The following UBA2 variants were observed in gnomAD, a reference collection of about 807,000 sequenced individuals.
The protein encoded by UBA2 is ubiquitin like modifier activating enzyme 2, also known as SUMO-activating enzyme subunit 2.
UBA2 carries 11 observed loss-of-function variants against 77.2 expected under a neutral mutation model. That is an observed-to-expected ratio of 0.14 (90% confidence interval 0.09 to 0.24). UBA2 has a LOEUF of 0.24. UBA2 is among the 10% of genes least tolerant of loss of function. UBA2 has a pLI of 1.00. For missense variants in UBA2, 487 were observed against 781.7 expected, an observed-to-expected ratio of 0.62 and a Z score of 4.50; for synonymous variants, 278 against 276.7, an observed-to-expected ratio of 1.00 and a Z score of -0.05.
chr19:34,435,153 T>C (rs1254875751), intron 5 of UBA2, among the ~76,000 whole-genome samples, 185 bp downstream of exon 5: 1 of 152,212 alleles, frequency 6.6e-6, no homozygotes, highest in Non-Finnish European at 1.5e-5. Flanking sequence ...ATCCCAGCAC[T>C]TCGGGAGGCC....
intron 14 of UBA2, among the ~76,000 whole-genome samples, chr19:34,463,810 AC>A (rs1433350161): frequency 6.7e-6 from 1 of 148,874 alleles, no homozygotes; most frequent in Non-Finnish European, 1.5e-5. Context: ...ATTAGAGCCC[AC>A]CCTACTTGCC....
At chr19:34,454,024 G>A (rs2075531426) in intron 10 of UBA2, among the ~76,000 whole-genome samples, 1 of 152,022 alleles carries the variant, frequency 6.6e-6, no homozygotes, top group Non-Finnish European at 1.5e-5. Context: ...GTGATTCTTG[G>A]TGTTCTTGTC....
chr19:34,447,162 A>G (rs1188365352), intron 8 of UBA2, among the ~76,000 whole-genome samples: 1 of 152,162 alleles, frequency 6.6e-6, no homozygotes, highest in Non-Finnish European at 1.5e-5. Context: ...GGAAGCATCC[A>G]ACATGGGAGA....
intron 14 of UBA2, among the ~76,000 whole-genome samples, chr19:34,463,096 CAAA>C (rs1029404956): frequency 2.5e-5 from 3 of 120,844 alleles, no homozygotes. Context: ...GACTCTGTCT[CAAA>C]AAAAAAAAAA....
At chr19:34,466,329 C>A (rs2075687521) in intron 15 of UBA2, among the ~76,000 whole-genome samples, 1 of 151,968 alleles carries the variant, frequency 6.6e-6, no homozygotes. Flanking sequence ...GAGTGAGACT[C>A]CGTCTCGAAA....
At chr19:34,434,437 A>G (rs1375873677) in intron 4 of UBA2, among the ~76,000 whole-genome samples, 1 of 152,024 alleles carries the variant, frequency 6.6e-6, no homozygotes, top group African/African-American at 2.4e-5. Context: ...TCTTAACCTG[A>G]CTCATCTTTT....
At chr19:34,466,778 G>T in intron 15 of UBA2, 100 bp from the exon 16 acceptor site, 5 of 883,520 alleles carry the variant, frequency 5.7e-6, no homozygotes, top group South Asian at 2.1e-5. Context: ...CCACATATTT[G>T]GTGTATACAT....
At chr19:34,431,740 T>A in intron 2 of UBA2, 121 bp from the exon 3 acceptor site, 1 of 802,914 alleles carries the variant, frequency 1.2e-6, no homozygotes, top group East Asian at 2.5e-5. Context: ...TTTTTGGACT[T>A]CTTTGGTGTT....
At chr19:34,439,983 T>C (rs1259100449) in intron 6 of UBA2, among the ~76,000 whole-genome samples, 3 of 152,106 alleles carry the variant, frequency 2.0e-5, no homozygotes, top group Non-Finnish European at 4.4e-5. Flanking sequence ...AATAAGACCA[T>C]GGTAGTACAT....
rs1339892874 is a variant in UBA2, at chr19:34,469,855, C to G, written c.*634C>G. 6.6e-6 allele frequency: 1 copy of G among 152,530 alleles called. No individual in the cohort carries two copies. 9.4% of individuals were successfully genotyped at this position (152,530 alleles called of 1,614,324 possible). ...TTGTAAAACTCAAATAACGACTATA[C>G]TTATGGACCAAATAAATGGCATCTG... On this transcript the variant is annotated 3_prime_UTR_variant, in exon 17 of 17. Coordinates refer to ENST00000246548, the MANE Select transcript of UBA2 (RefSeq NM_005499.3).
intron 8 of UBA2, among the ~76,000 whole-genome samples, chr19:34,445,941 AC>A (rs1173615885): frequency 7.9e-5 from 12 of 152,042 alleles, no homozygotes; most frequent in African/African-American, 2.9e-4. Flanking sequence ...GTTCATCTAG[AC>A]CCGTAGGTCC....
Position 34,428,472 on chromosome 19 carries a change from G to A in UBA2, c.40G>A (p.Ala14Thr), listed in dbSNP as rs765510684. 2.9e-5 allele frequency: 37 copies of A among 1,291,184 alleles called. No individual in the cohort carries two copies. Among genetic ancestry groups the A allele is most frequent in the Non-Finnish European group, 3.6e-5 (36 of 1,014,080 alleles). 80.0% of individuals were successfully genotyped at this position (1,291,184 alleles called of 1,614,324 possible). A position where few individuals can be genotyped will look rare whatever the true frequency, so the allele number is the denominator to read the frequency against. Residue 14 changes from alanine to threonine, a missense_variant, in exon 1 of 17, where the codon GCG becomes ACG. This residue lies in a region of UBA2 where 30 missense variants were observed against 27.4 expected (regional missense o/e 1.09). Transcript: ENST00000246548. The part of the protein sequence containing the change: ...SRGLPRELAE[A>T]VAGGRVLVVG... Reference sequence around the variant, plus strand: ...GGGGCTGCCCCGGGAGCTGGCTGAGGCGGTGGCCGGGGGCCGGGTGCTGGT... The same window carrying A: ...GGGGCTGCCCCGGGAGCTGGCTGAGACGGTGGCCGGGGGCCGGGTGCTGGT...
intron 10 of UBA2, among the ~76,000 whole-genome samples, chr19:34,453,683 T>C (rs986371817): frequency 2.3e-4 from 35 of 151,986 alleles, no homozygotes; most frequent in African/African-American, 8.5e-4. Flanking sequence ...TGCGCCACCA[T>C]GCCTGGCTAA....
chr19:34,457,193 T>A (rs1294410722), intron 12 of UBA2, among the ~76,000 whole-genome samples: 6 of 126,236 alleles, frequency 4.8e-5, no homozygotes, highest in South Asian at 5.5e-4. Flanking sequence ...TATATATATA[T>A]ATATATATAT....
chr19:34,464,468 G>T (rs1205973234), intron 15 of UBA2, among the ~76,000 whole-genome samples: 2 of 151,694 alleles, frequency 1.3e-5, no homozygotes, highest in Admixed American at 1.3e-4. Flanking sequence ...TAAGGTAGGA[G>T]AATCCCTTGA....
At chr19:34,444,666 G>T (rs1332140993) in intron 7 of UBA2, among the ~76,000 whole-genome samples, 2 of 152,172 alleles carry the variant, frequency 1.3e-5, no homozygotes, top group African/African-American at 2.4e-5. Flanking sequence ...AATTAGCCAG[G>T]CATGGTGGTG....
intron 15 of UBA2, among the ~76,000 whole-genome samples, chr19:34,465,080 C>T (rs1458676549): frequency 1.3e-5 from 2 of 152,124 alleles, no homozygotes; most frequent in Non-Finnish European, 1.5e-5. Flanking sequence ...GAGTCTATAG[C>T]ACAGTTAAGA....
chr19:34,469,319 A>G lies in UBA2; in HGVS notation c.*98A>G, dbSNP rs1483615617. The G allele has an allele frequency of 4.0e-5, 47 of 1,178,688 alleles. No individual in the cohort carries two copies. The highest frequency in any genetic ancestry group is 2.0e-4 in the Middle Eastern group (1 of 4,988). The allele number at this position is 1,178,688 out of a possible 1,614,324, so 73.0% of individuals were successfully genotyped here. ...GTTCCAAAGGGAAAAAATTGACAGC[A>G]GTGACTTGAAAATGATTCTGCTCCC... is the stretch of plus-strand genomic sequence containing the variant. On this transcript the variant is annotated 3_prime_UTR_variant, in exon 17 of 17. Transcript: ENST00000246548.
At chr19:34,428,779 C>G (rs574716958) in intron 1 of UBA2, 9 of 1,134,280 alleles carry the variant, frequency 7.9e-6, no homozygotes, top group Non-Finnish European at 8.8e-6. Flanking sequence ...CTCGCTGGGC[C>G]GGCTCCGGAC....
Sources: gnomAD v4.1 joint callset for allele counts (sites outside exome capture counted in the v4.1 genomes callset) on GRCh38, gnomAD v4.1.1 for gene constraint, gnomAD v4.1.1 regional missense constraint, MANE v1.5 for transcripts, NCBI Gene and HGNC (gene_info 2026-07-23, HGNC 2026-07-21) for gene names.